Variants in GNAL observed in about 807,000 individuals in gnomAD.
GNAL encodes the protein guanine nucleotide-binding protein G(olf) subunit alpha.
In GNAL, 18 loss-of-function variants were observed where a neutral mutation model predicts 55.1. The ratio of observed to expected loss-of-function variants is 0.33; its 90% CI spans 0.23 to 0.48. The LOEUF is 0.48. GNAL is among the 20% of genes least tolerant of loss of function. The probability of loss-of-function intolerance (pLI) is 0.99; values close to 1 mark genes in which losing one functional copy is unlikely to be tolerated. For missense variants in GNAL, 412 were observed against 614.1 expected (o/e 0.67, Z 3.48); for synonymous variants, 253 against 237.0 (o/e 1.07, Z -0.62).
chr18:11,748,637 G>A (rs2032744033), intron 1 of GNAL, among the ~76,000 whole-genome samples: 1 of 151,968 alleles, frequency 6.6e-6, no homozygotes, highest in Non-Finnish European at 1.5e-5. Context: ...TATTTTTAGG[G>A]AAACTAAATA....
In GNAL at chr18:11,844,499, G is replaced by A. The variant is rs144489400; in HGVS notation, c.723-17896G>A. Among the ~76,000 whole-genome samples, 321 of 152,270 alleles carry A rather than the reference G, an allele frequency of 2.1e-3. 2 individuals carry two copies. The highest frequency in any genetic ancestry group is 7.5e-3 in the African/African-American group (311 of 41,556). ...CTGGAACCAGTGCTCTCCATTCTGT[G>A]GCCATGGCCGTTTTAAATCACTTGT... On this transcript the variant is annotated intron_variant, in intron 5 of 11. Coordinates refer to ENST00000334049, the MANE Select transcript of GNAL (RefSeq NM_182978.4).
chr18:11,690,523 T>C (rs1426931775), intron 1 of GNAL, among the ~76,000 whole-genome samples: 1 of 151,624 alleles, frequency 6.6e-6, no homozygotes, highest in Non-Finnish European at 1.5e-5. Flanking sequence ...GTTAGTTACA[T>C]ATGTATACAT....
chr18:11,838,637 C>T (rs1490719660), intron 5 of GNAL, among the ~76,000 whole-genome samples: 1 of 152,184 alleles, frequency 6.6e-6, no homozygotes, highest in African/African-American at 2.4e-5. Flanking sequence ...TCAGGGCCTT[C>T]TGATTTAATA....
At chr18:11,737,400 C>T (rs1243265029) in intron 1 of GNAL, among the ~76,000 whole-genome samples, 2 of 152,284 alleles carry the variant, frequency 1.3e-5, no homozygotes, top group East Asian at 3.9e-4. Context: ...ATCTCCCTCT[C>T]CCTGACCTTC....
intron 1 of GNAL, among the ~76,000 whole-genome samples, chr18:11,729,030 A>G (rs7233513): frequency 0.02 from 3,025 of 152,174 alleles, 101 homozygotes; most frequent in African/African-American, 0.069. Context: ...TTGGGTGGGG[A>G]AGGGATCTCC....
chr18:11,743,335 CACT>C (rs1483440664), intron 1 of GNAL, among the ~76,000 whole-genome samples: 1 of 150,778 alleles, frequency 6.6e-6, no homozygotes, highest in South Asian at 2.1e-4. Flanking sequence ...AAAAAACCAC[CACT>C]GTTAGGCATT....
rs1391829776 is a variant in GNAL at position 11,759,151 on chromosome 18, C to A, written c.624+5206C>A. On this transcript the variant is annotated intron_variant, in intron 4 of 11. Transcript: ENST00000334049. The stretch of plus-strand genomic sequence containing the variant: ...TCGTGATATTCCACTCCAGCCTGGG[C>A]AACAGAGCGAGACTCCGTCTCAAAA... Among the ~76,000 whole-genome samples the A allele has an allele frequency of 3.4e-5, 5 of 149,224 alleles. No individual in the cohort carries two copies. In the East Asian group the frequency reaches 7.8e-4, roughly 23 times the overall value.
At chr18:11,880,865 C>T in intron 11 of GNAL, 124 bp from the exon 12 acceptor site, 1 of 957,414 alleles carries the variant, frequency 1.0e-6, no homozygotes, top group Non-Finnish European at 1.6e-6. Flanking sequence ...CCTCTAAGTG[C>T]TCCCATGCAA....
intron 5 of GNAL, among the ~76,000 whole-genome samples, chr18:11,859,293 T>C (rs1002105155): frequency 1.3e-5 from 2 of 152,164 alleles, no homozygotes; most frequent in African/African-American, 4.8e-5. Flanking sequence ...CATCTGACTG[T>C]CCAGCCCCAG....
intron 1 of GNAL, among the ~76,000 whole-genome samples, chr18:11,709,734 A>G: frequency 6.6e-6 from 1 of 152,192 alleles, no homozygotes; most frequent in Non-Finnish European, 1.5e-5. Context: ...GTATAAGATC[A>G]TGCCATCTGC....
chr18:11,719,432 G>A (rs189455648), intron 1 of GNAL, among the ~76,000 whole-genome samples: 1 of 152,198 alleles, frequency 6.6e-6, no homozygotes, highest in Admixed American at 6.5e-5. Flanking sequence ...CCTGAGTTTA[G>A]GTGGATAAAA....
At chr18:11,861,870 T>A (rs1453268988) in intron 5 of GNAL, among the ~76,000 whole-genome samples, 1 of 151,958 alleles carries the variant, frequency 6.6e-6, no homozygotes, top group Non-Finnish European at 1.5e-5. Context: ...GCACATACTC[T>A]CACACTCACC....
chr18:11,738,244 G>T (rs1598420849), intron 1 of GNAL, among the ~76,000 whole-genome samples: 1 of 152,272 alleles, frequency 6.6e-6, no homozygotes, highest in East Asian at 1.9e-4. Flanking sequence ...TTCCAAGCAG[G>T]CCCCAAAGGC....
At chr18:11,728,989 A>G (rs1213994768) in intron 1 of GNAL, among the ~76,000 whole-genome samples, 4 of 152,208 alleles carry the variant, frequency 2.6e-5, no homozygotes, top group African/African-American at 9.6e-5. Flanking sequence ...ACTGGTTAGT[A>G]GATAAAGTCT....
At chr18:11,851,942 C>G in intron 5 of GNAL, 1 of 1,613,984 alleles carries the variant, frequency 6.2e-7, no homozygotes, top group Non-Finnish European at 8.5e-7. Context: ...ACGCTCACCA[C>G]TCCCCAGAAC....
In GNAL at chr18:11,783,744, A is replaced by C. The variant is rs188676490; in HGVS notation, c.624+29799A>C. Among the ~76,000 whole-genome samples the C allele has an allele frequency of 1.8e-4, 28 of 152,380 alleles. No individual in the cohort carries two copies. The East Asian group carries it at 4.4e-3, about 24-fold the overall frequency. ...AATATTATTTCAGCATGTAGTGTTT[A>C]GAAATTTCCAATTTCTATGCTCTTT... On this transcript the variant is annotated intron_variant, in intron 4 of 11. Coordinates refer to ENST00000334049, the MANE Select transcript of GNAL (RefSeq NM_182978.4).
chr18:11,834,831 G>T (rs1219183683), intron 5 of GNAL, among the ~76,000 whole-genome samples: 1 of 152,220 alleles, frequency 6.6e-6, no homozygotes, highest in Non-Finnish European at 1.5e-5. Flanking sequence ...TATAGCGTTG[G>T]GTTATGGGTT....
intron 1 of GNAL, among the ~76,000 whole-genome samples, chr18:11,721,521 C>T (rs1028321458): frequency 6.6e-6 from 1 of 151,946 alleles, no homozygotes; most frequent in Non-Finnish European, 1.5e-5. Context: ...TTTGGGAGGT[C>T]GAGGTGGGCA....
chr18:11,705,635 T>G (rs1029294634), intron 1 of GNAL, among the ~76,000 whole-genome samples: 2 of 152,216 alleles, frequency 1.3e-5, no homozygotes, highest in African/African-American at 4.8e-5. Flanking sequence ...TTTGTCTTTT[T>G]GATAATGGCC....
Sources: allele counts gnomAD v4.1 joint callset (sites outside exome capture counted in the v4.1 genomes callset), GRCh38; gene constraint gnomAD v4.1.1; transcripts MANE v1.5; gene names NCBI Gene and HGNC (gene_info 2026-07-23, HGNC 2026-07-21).